Variants in DAB1 observed in about 807,000 individuals in gnomAD.
DAB1 encodes disabled homolog 1.
A neutral mutation model predicts 64.6 loss-of-function variants in DAB1; 15 were observed. The ratio of observed to expected loss-of-function variants is 0.23; its 90% CI spans 0.16 to 0.36. DAB1 has a LOEUF of 0.36. Among genes scored for constraint, DAB1 ranks in the 10% least tolerant of loss-of-function variants. DAB1 has a pLI of 1.00. For synonymous variants in DAB1, 235 were observed against 251.9 expected (o/e 0.93, Z 0.64); for missense variants, 596 against 706.7 (o/e 0.84, Z 1.78).
intron 5 of DAB1, among the ~76,000 whole-genome samples, chr1:58,129,793 T>G (rs1653402331): frequency 6.6e-6 from 1 of 152,102 alleles, no homozygotes; most frequent in Non-Finnish European, 1.5e-5. Context: ...AATCCTGAGT[T>G]CTGTTTGATC....
chr1:57,692,945 C>T (rs555788069), intron 6 of DAB1, among the ~76,000 whole-genome samples: 29 of 152,270 alleles, frequency 1.9e-4, no homozygotes, highest in African/African-American at 6.7e-4. Context: ...AGTTAGGCAC[C>T]ATGGCTTCTC....
chr1:57,494,668 G>T (rs945728836), intron 7 of DAB1, among the ~76,000 whole-genome samples: 1 of 152,176 alleles, frequency 6.6e-6, no homozygotes, highest in African/African-American at 2.4e-5. Context: ...AGGTCATCCA[G>T]TTTGAGTTGG....
Position 57,695,280 on chromosome 1 carries a change from G to GA in DAB1, n.552-45616_552-45615insT, listed in dbSNP as rs1557427588. The stretch of plus-strand genomic sequence containing the variant: ...AAGAAGGAAGGAAGGAAGGAAGGAA[G>GA]GAAGAAAGGGAGAGAGAAGGAAAGA... On this transcript the variant is annotated intron_variant and non_coding_transcript_variant, in intron 6 of 20. Coordinates refer to the DAB1 transcript ENST00000485760. 5.3e-4 allele frequency among the ~76,000 whole-genome samples: 64 copies of GA among 119,970 alleles called. 2 individuals are homozygous for GA. Among genetic ancestry groups the GA allele is most frequent in the African/African-American group, 1.9e-3 (61 of 31,666 alleles). 78.7% of individuals were successfully genotyped at this position (119,970 alleles called of 152,430 possible).
chr1:58,354,442 T>C (rs1644090084), intron 3 of DAB1, among the ~76,000 whole-genome samples: 1 of 152,190 alleles, frequency 6.6e-6, no homozygotes, highest in Non-Finnish European at 1.5e-5. Flanking sequence ...ACAGTGCATT[T>C]TGCTTTAATA....
chr1:57,896,306 T>C (rs1644391046), intron 5 of DAB1, among the ~76,000 whole-genome samples: 1 of 152,052 alleles, frequency 6.6e-6, no homozygotes, highest in South Asian at 2.1e-4. Flanking sequence ...GGGCATATAC[T>C]CACTAAGTGT....
At chr1:57,635,877 C>T (rs1015622138) in intron 7 of DAB1, among the ~76,000 whole-genome samples, 4 of 152,020 alleles carry the variant, frequency 2.6e-5, no homozygotes, top group East Asian at 2.0e-4. Context: ...GGGCAGATCA[C>T]GAGGTCAGGA....
At chr1:57,983,799 A>G (rs905046239) in intron 5 of DAB1, among the ~76,000 whole-genome samples, 1 of 152,128 alleles carries the variant, frequency 6.6e-6, no homozygotes, top group East Asian at 1.9e-4. Flanking sequence ...CCACAAAGCA[A>G]TCCTCAGTCA....
chr1:57,808,203 AC>A (rs1271131415), intron 6 of DAB1, among the ~76,000 whole-genome samples: 12 of 151,504 alleles, frequency 7.9e-5, no homozygotes, highest in Non-Finnish European at 1.5e-4. Flanking sequence ...ACATGCACAC[AC>A]ACACACACAC....
At chr1:58,061,426 C>T (rs1298232861) in intron 5 of DAB1, among the ~76,000 whole-genome samples, 1 of 152,172 alleles carries the variant, frequency 6.6e-6, no homozygotes, top group African/African-American at 2.4e-5. Context: ...TAGCTTCTTA[C>T]AGTTTTCTGG....
At chr1:57,594,483 T>C (rs1363299183) in intron 7 of DAB1, among the ~76,000 whole-genome samples, 2 of 152,058 alleles carry the variant, frequency 1.3e-5, no homozygotes, top group African/African-American at 4.8e-5. Flanking sequence ...GTGCCCCCAT[T>C]TGAAAAGCAG....
At chr1:57,315,806 A>G (rs1675149447) in intron 1 of DAB1, among the ~76,000 whole-genome samples, 1 of 152,128 alleles carries the variant, frequency 6.6e-6, no homozygotes, top group African/African-American at 2.4e-5. Flanking sequence ...CCGGCCACCT[A>G]TTATATGATC....
intron 1 of DAB1, among the ~76,000 whole-genome samples, chr1:57,315,454 C>A (rs757099892): frequency 6.6e-6 from 1 of 152,072 alleles, no homozygotes; most frequent in Non-Finnish European, 1.5e-5. Flanking sequence ...TAGGTGGGTA[C>A]GTGGGTGGGT....
intron 3 of DAB1, among the ~76,000 whole-genome samples, chr1:58,407,457 T>G (rs941790621): frequency 1.3e-5 from 2 of 152,184 alleles, no homozygotes; most frequent in African/African-American, 4.8e-5. Flanking sequence ...TACCAAGGGA[T>G]GATATCAGGA....
At chr1:57,362,019 C>T (rs1679590952) in intron 1 of DAB1, among the ~76,000 whole-genome samples, 1 of 152,108 alleles carries the variant, frequency 6.6e-6, no homozygotes, top group African/African-American at 2.4e-5. Flanking sequence ...ATTCCTTCAC[C>T]TTAGACCTTT....
intron 1 of DAB1, among the ~76,000 whole-genome samples, chr1:58,531,716 C>CT (rs11303484): frequency 3.4e-5 from 5 of 147,384 alleles, no homozygotes; most frequent in African/African-American, 1.3e-4. Flanking sequence ...ATGGATTTAT[C>CT]TTTTTTTTTT....
chr1:57,921,769 C>T (rs1644810556), intron 5 of DAB1, among the ~76,000 whole-genome samples: 2 of 152,050 alleles, frequency 1.3e-5, no homozygotes, highest in Admixed American at 6.6e-5. Context: ...GCAGGAAATC[C>T]TCTGCTTAAA....
intron 5 of DAB1, among the ~76,000 whole-genome samples, chr1:57,906,439 A>G (rs1644552848): frequency 6.6e-6 from 1 of 152,158 alleles, no homozygotes; most frequent in Admixed American, 6.5e-5. Context: ...ACAAACCCAG[A>G]CAATATGGCT....
chr1:58,149,158 T>C (rs1487793075), intron 5 of DAB1, among the ~76,000 whole-genome samples: 1 of 152,216 alleles, frequency 6.6e-6, no homozygotes, highest in Non-Finnish European at 1.5e-5. Context: ...TGTCTACTTA[T>C]TAATTTTCTG....
At chr1:57,028,192 C>T (rs913395171) in intron 9 of DAB1, among the ~76,000 whole-genome samples, 1 of 152,094 alleles carries the variant, frequency 6.6e-6, no homozygotes, top group African/African-American at 2.4e-5. Flanking sequence ...ATCATGGGGG[C>T]TGGTCTTTCC....
Sources: gnomAD v4.1 joint callset for allele counts (sites outside exome capture counted in the v4.1 genomes callset) on GRCh38, gnomAD v4.1.1 for gene constraint, MANE v1.5 for transcripts, NCBI Gene and HGNC (gene_info 2026-07-23, HGNC 2026-07-21) for gene names.